The following LHFPL3 variants were observed in gnomAD, a reference collection of about 807,000 sequenced individuals.
LHFPL3 encodes the protein LHFPL tetraspan subfamily member 3 protein.
A neutral mutation model predicts 19.3 loss-of-function variants in LHFPL3; 5 were observed. The ratio of observed to expected loss-of-function variants is 0.26; its 90% confidence interval spans 0.14 to 0.54. The LOEUF is 0.54. Among genes scored for constraint, LHFPL3 ranks in the 20% least tolerant of loss-of-function variants. The pLI is 0.94. For missense variants in LHFPL3, 249 were observed against 307.4 expected, an observed-to-expected ratio of 0.81 and a Z score of 1.42; for synonymous variants, 133 against 126.2, an observed-to-expected ratio of 1.05 and a Z score of -0.36.
chr7:104,723,852 G>T (rs928392235), intron 1 of LHFPL3, among the ~76,000 whole-genome samples: 1 of 146,596 alleles, frequency 6.8e-6, no homozygotes. Context: ...ATTTTAATAA[G>T]AAACCCATTT....
At chr7:104,644,999 G>T (rs976746510) in intron 1 of LHFPL3, among the ~76,000 whole-genome samples, 8 of 152,158 alleles carry the variant, frequency 5.3e-5, no homozygotes, top group Admixed American at 1.3e-4. Flanking sequence ...CCCAGACCTT[G>T]TCTCCACTGT....
chr7:104,843,895 A>G (rs979940104), intron 2 of LHFPL3, among the ~76,000 whole-genome samples: 9 of 152,224 alleles, frequency 5.9e-5, no homozygotes, highest in African/African-American at 2.2e-4. Flanking sequence ...ATCTGTCTCA[A>G]TAGGCCCATC....
At chr7:104,827,372 G>C (rs982444883) in intron 2 of LHFPL3, among the ~76,000 whole-genome samples, 8 of 152,114 alleles carry the variant, frequency 5.3e-5, no homozygotes, top group African/African-American at 1.9e-4. Flanking sequence ...TCAGTCTACT[G>C]ATTTGGTATA....
intron 1 of LHFPL3, among the ~76,000 whole-genome samples, chr7:104,417,196 C>T (rs1012936125): frequency 3.9e-5 from 6 of 152,164 alleles, no homozygotes; most frequent in Admixed American, 3.3e-4. Flanking sequence ...CATTTTACAT[C>T]GTGACATTTG....
chr7:104,598,435 G>A (rs1191429036), intron 1 of LHFPL3, among the ~76,000 whole-genome samples: 2 of 152,178 alleles, frequency 1.3e-5, no homozygotes, highest in Non-Finnish European at 2.9e-5. Flanking sequence ...TGGCTTTCCA[G>A]TATGATCTTG....
At chr7:104,554,340 A>C (rs1794717588) in intron 1 of LHFPL3, among the ~76,000 whole-genome samples, 1 of 152,016 alleles carries the variant, frequency 6.6e-6, no homozygotes, top group Non-Finnish European at 1.5e-5. Flanking sequence ...TGATTTGCAA[A>C]ATTTATTTGC....
intron 2 of LHFPL3, among the ~76,000 whole-genome samples, chr7:104,852,681 A>G (rs1791434089): frequency 6.6e-6 from 1 of 152,254 alleles, no homozygotes; most frequent in African/African-American, 2.4e-5. Context: ...AAGGGCTCCC[A>G]TGCTTTTGGT....
intron 2 of LHFPL3, among the ~76,000 whole-genome samples, chr7:104,806,990 T>C (rs1467884126): frequency 1.3e-5 from 2 of 149,488 alleles, no homozygotes; most frequent in Non-Finnish European, 3.0e-5. Flanking sequence ...GGGGGTTGAA[T>C]TGTGCCCCAC....
intron 2 of LHFPL3, among the ~76,000 whole-genome samples, chr7:104,769,635 G>C (rs1794517665): frequency 6.8e-6 from 1 of 146,310 alleles, no homozygotes; most frequent in South Asian, 2.2e-4. Context: ...ACAGGCCCCG[G>C]TGTGTGATGT....
intron 2 of LHFPL3, among the ~76,000 whole-genome samples, chr7:104,828,860 C>A (rs978145557): frequency 6.9e-6 from 1 of 144,406 alleles, no homozygotes; most frequent in African/African-American, 2.5e-5. Flanking sequence ...CATGGTGAAA[C>A]CCTGTCTCCA....
rs182292377 is a variant in LHFPL3 at position 104,660,525 on chromosome 7, C to T, written c.446-76150C>T. On this transcript the variant is annotated intron_variant, in intron 1 of 2. Transcript: ENST00000424859. ...GTTGTCTATTTCTATCAAGTGGATGCAGGAGTTACCTTTAGCAGAAGGTAC... is the reference window on the plus strand; with the variant it reads ...GTTGTCTATTTCTATCAAGTGGATGTAGGAGTTACCTTTAGCAGAAGGTAC... 4.1e-4 allele frequency among the ~76,000 whole-genome samples: 63 copies of T among 152,324 alleles called. No individual in the cohort carries two copies. The East Asian group carries it at 0.012, about 28-fold the overall frequency.
intron 2 of LHFPL3, among the ~76,000 whole-genome samples, chr7:104,904,861 T>C (rs1792565590): frequency 6.6e-6 from 1 of 152,204 alleles, no homozygotes; most frequent in Admixed American, 6.5e-5. Flanking sequence ...TTAATCATAC[T>C]GTTTGAGGTC....
chr7:104,741,807 G>C (rs1158294634), intron 2 of LHFPL3, among the ~76,000 whole-genome samples: 1 of 152,108 alleles, frequency 6.6e-6, no homozygotes, highest in Non-Finnish European at 1.5e-5. Flanking sequence ...GCCTCCCAAA[G>C]CAGCAGGATT....
intron 1 of LHFPL3, among the ~76,000 whole-genome samples, chr7:104,577,992 G>A (rs1790373155): frequency 6.6e-6 from 1 of 152,160 alleles, no homozygotes; most frequent in African/African-American, 2.4e-5. Context: ...AGGAAATTCT[G>A]TCGGTTTATC....
chr7:104,690,637 T>A (rs1792889129), intron 1 of LHFPL3, among the ~76,000 whole-genome samples: 1 of 152,212 alleles, frequency 6.6e-6, no homozygotes, highest in Non-Finnish European at 1.5e-5. Flanking sequence ...AGGGGTCCCA[T>A]GGCATGGGGC....
intron 1 of LHFPL3, among the ~76,000 whole-genome samples, chr7:104,344,413 T>C (rs1435530550): frequency 1.3e-5 from 2 of 152,126 alleles, no homozygotes; most frequent in Non-Finnish European, 2.9e-5. Context: ...CCAATCCCAC[T>C]TCCACCCTTC....
intron 1 of LHFPL3, among the ~76,000 whole-genome samples, chr7:104,373,664 G>A (rs1200765796): frequency 2.1e-5 from 3 of 144,728 alleles, no homozygotes; most frequent in Admixed American, 1.4e-4. Flanking sequence ...GTTTGGTTCA[G>A]AAAGGCGGGA....
chr7:104,566,270 G>A (rs570656940), intron 1 of LHFPL3, among the ~76,000 whole-genome samples: 1 of 152,142 alleles, frequency 6.6e-6, no homozygotes, highest in African/African-American at 2.4e-5. Context: ...AAGATTGCTT[G>A]AGCCCAGGAG....
intron 1 of LHFPL3, among the ~76,000 whole-genome samples, chr7:104,397,605 G>A (rs2116486222): frequency 6.6e-6 from 1 of 152,222 alleles, no homozygotes; most frequent in East Asian, 1.9e-4. Context: ...TCTGGGAGCA[G>A]TCTCTCCTCC....
Sources: gnomAD v4.1 joint callset for allele counts (sites outside exome capture counted in the v4.1 genomes callset) on GRCh38, gnomAD v4.1.1 for gene constraint, MANE v1.5 for transcripts, NCBI Gene and HGNC (gene_info 2026-07-23, HGNC 2026-07-21) for gene names.